LTF: variants seen among roughly 807,000 people sequenced by gnomAD.
The protein encoded by LTF is epididymis luminal protein 110.
In LTF, 91 loss-of-function variants were observed where a neutral mutation model predicts 87.2. That is an observed-to-expected ratio of 1.04 (90% CI 0.88 to 1.24). The LOEUF (loss-of-function observed/expected upper bound fraction) is 1.24, where lower values mean the gene tolerates loss of function less well. Ranked by LOEUF, LTF falls within the 50% of genes most tolerant of loss-of-function variation. The pLI is 0.00. For missense variants in LTF, 901 were observed against 904.3 expected (o/e 1.00, Z 0.05); for synonymous variants, 378 against 356.1 (o/e 1.06, Z -0.69).
At chr3:46,456,238 C>A in intron 3 of LTF, 52 bp downstream of exon 3, 1 of 1,452,184 alleles carries the variant, frequency 6.9e-7, no homozygotes. Context: ...CCACACAGCT[C>A]AGGGCACAGG....
chr3:46,475,715 C>T (rs1703352796), intron 1 of LTF, among the ~76,000 whole-genome samples: 1 of 152,140 alleles, frequency 6.6e-6, no homozygotes, highest in African/African-American at 2.4e-5. Context: ...TTAAAAAAAA[C>T]TCTCATATGG....
intron 16 of LTF, 73 bp from the exon 17 acceptor site, chr3:46,436,302 T>G: frequency 7.3e-7 from 1 of 1,360,920 alleles, no homozygotes; most frequent in East Asian, 2.3e-5. Context: ...ATCCAATAAA[T>G]CAAAGAGAAT....
At chr3:46,449,748 C>T in intron 8 of LTF, 106 bp downstream of exon 8, 1 of 1,198,066 alleles carries the variant, frequency 8.3e-7, no homozygotes, top group Non-Finnish European at 1.2e-6. Context: ...TCCACGATGA[C>T]CCCACAGTGT....
At chr3:46,438,896 C>T (rs1034385) in intron 15 of LTF, among the ~76,000 whole-genome samples, 40,462 of 152,010 alleles carry the variant, frequency 0.27, 6,370 homozygotes, top group Middle Eastern at 0.38. Flanking sequence ...AGAGGCCTGG[C>T]CTAGAGCACT....
At chr3:46,439,959 C>CCAGCCTATGGAGA (rs76041676) in intron 14 of LTF, among the ~76,000 whole-genome samples, 2,954 of 151,578 alleles carry the variant, frequency 0.019, 56 homozygotes, top group Middle Eastern at 0.031. Flanking sequence ...TATGAAATGT[C>CCAGCCTATGGAGA]CAGAATAGGC....
At chr3:46,448,801 G>C (rs1702721282) in intron 9 of LTF, 62 bp downstream of exon 9, 1 of 1,579,510 alleles carries the variant, frequency 6.3e-7, no homozygotes, top group Non-Finnish European at 8.6e-7. Flanking sequence ...ACTTTAAGCA[G>C]ATGCCCAGGC....
chr3:46,470,958 C>T (rs547101144), intron 1 of LTF, among the ~76,000 whole-genome samples: 1 of 152,246 alleles, frequency 6.6e-6, no homozygotes, highest in Admixed American at 6.5e-5. Flanking sequence ...ATTCATGAGC[C>T]CCCACTGTGT....
At chr3:46,451,765 T>C (rs1169559523) in intron 6 of LTF, among the ~76,000 whole-genome samples, 1 of 152,178 alleles carries the variant, frequency 6.6e-6, no homozygotes. Flanking sequence ...CAGCTAATTT[T>C]TGTATTTTTA....
chr3:46,480,928 A>G (rs1703423458), intron 1 of LTF, among the ~76,000 whole-genome samples: 1 of 152,164 alleles, frequency 6.6e-6, no homozygotes, highest in Non-Finnish European at 1.5e-5. Context: ...GGGCTGACAC[A>G]TAAAAGACAG....
At chr3:46,464,792 A>T (rs746634420) in intron 1 of LTF, 33 bp downstream of exon 1, 10 of 1,612,054 alleles carry the variant, frequency 6.2e-6, no homozygotes, top group African/African-American at 2.7e-5. Flanking sequence ...GACGCCCATC[A>T]GGCGGCTCGC....
At chr3:46,482,983 T>A (rs1352148223) in intron 1 of LTF, among the ~76,000 whole-genome samples, 2 of 152,232 alleles carry the variant, frequency 1.3e-5, no homozygotes, top group African/African-American at 2.4e-5. Flanking sequence ...TATGAAGCCC[T>A]GATTTGTAGC....
At chr3:46,484,280 G>A (rs921432626) in intron 1 of LTF, among the ~76,000 whole-genome samples, 4 of 152,232 alleles carry the variant, frequency 2.6e-5, no homozygotes, top group African/African-American at 9.6e-5. Flanking sequence ...AAAAACTAGG[G>A]AGGAAAGAAA....
rs1184516892 is a variant in LTF, at chr3:46,450,583, T to A, written c.794A>T (p.His265Leu). Residue 265 changes from histidine to leucine, a missense_variant, in exon 7 of 17, where the codon CAT (histidine) becomes CTT (leucine). Physicochemically the swap from His to Leu is moderately conservative, Grantham distance 99 (BLOSUM62 -3). Transcript: ENST00000231751. ...GGCATGAGAAGGGACCCGGGCCAGA[T>A]GGCAGTCTTTGAACTTGTCCACTGG... ...RKPVDKFKDC[H>L]LARVPSHAVV... 1 of 1,614,172 alleles carries A rather than the reference T, an allele frequency of 6.2e-7. No individual in the cohort carries two copies. Among genetic ancestry groups the A allele is most frequent in the South Asian group, 1.1e-5 (1 of 91,086 alleles).
upstream of LTF, among the ~76,000 whole-genome samples, chr3:46,465,965 A>C (rs570697928): frequency 2.0e-5 from 3 of 152,330 alleles, no homozygotes; most frequent in African/African-American, 7.2e-5. Flanking sequence ...TAGGCAGGGC[A>C]CAGTGGCTCA....
chr3:46,466,975 A>G (rs568581293), upstream of LTF, among the ~76,000 whole-genome samples: 238 of 152,300 alleles, frequency 1.6e-3, 1 homozygote, highest in African/African-American at 5.3e-3. Context: ...GCAAGAACAC[A>G]GAGAACCTGG....
chr3:46,477,572 T>C (rs548200733), intron 1 of LTF, among the ~76,000 whole-genome samples: 2 of 152,336 alleles, frequency 1.3e-5, no homozygotes, highest in South Asian at 2.1e-4. Context: ...AGTGTCCCCA[T>C]GTGAAAATAG....
chr3:46,443,248 T>C (rs552166642), intron 13 of LTF, among the ~76,000 whole-genome samples, 193 bp downstream of exon 13: 1 of 152,332 alleles, frequency 6.6e-6, no homozygotes, highest in South Asian at 2.1e-4. Flanking sequence ...CAGACAGCCC[T>C]GGTGCCAGCC....
intron 1 of LTF, among the ~76,000 whole-genome samples, chr3:46,461,390 A>T (rs1289945929): frequency 1.3e-5 from 2 of 152,258 alleles, no homozygotes; most frequent in Non-Finnish European, 1.5e-5. Flanking sequence ...AATAGTAGAA[A>T]ACTGGAAACA....
At chr3:46,459,919 G>T in intron 1 of LTF, 100 bp from the exon 2 acceptor site, 1 of 819,132 alleles carries the variant, frequency 1.2e-6, no homozygotes, top group Non-Finnish European at 1.7e-6. Context: ...CTCTCTCTCG[G>T]CTGCCCTCCT....
Sources: allele counts gnomAD v4.1 joint callset (sites outside exome capture counted in the v4.1 genomes callset), GRCh38; gene constraint gnomAD v4.1.1; transcripts MANE v1.5; gene names NCBI Gene and HGNC (gene_info 2026-07-23, HGNC 2026-07-21).